Variants in GFOD2 observed in about 807,000 individuals in gnomAD.
The protein encoded by GFOD2 is glucose-fructose oxidoreductase domain-containing protein 2.
A neutral mutation model predicts 24.6 loss-of-function variants in GFOD2; 9 were observed. The ratio of observed to expected loss-of-function variants is 0.37; its 90% CI spans 0.22 to 0.64. GFOD2 has a LOEUF of 0.64. GFOD2 is among the 30% of genes least tolerant of loss of function. The probability of loss-of-function intolerance (pLI) is 0.65; values close to 1 mark genes in which losing one functional copy is unlikely to be tolerated. For synonymous variants in GFOD2, 211 were observed against 224.8 expected (o/e 0.94, Z 0.55); for missense variants, 476 against 532.5 (o/e 0.89, Z 1.04).
At position 67,675,865 on chromosome 16, in the gene GFOD2, C is replaced by T. The variant is rs147200499; in HGVS notation, c.448G>A (p.Ala150Thr). ...AGCAGGCTGCCTGAGTAGATGCGGGCATCACAGATCATCACCGCTCCCACA... is the reference window on the plus strand; with the variant it reads ...AGCAGGCTGCCTGAGTAGATGCGGGTATCACAGATCATCACCGCTCCCACA... ...HYVGAVMICD[A>T]RIYSGSLLSP... is the part of the protein sequence containing the mutation. Residue 150 changes from alanine (A) to threonine (T), a missense_variant, in exon 3 of 3, where the codon GCC (alanine) becomes ACC (threonine). By Grantham distance (58) the Ala-to-Thr change is moderately conservative (BLOSUM62 0). Coordinates refer to ENST00000268797, the MANE Select transcript of GFOD2 (RefSeq NM_030819.4). The T allele has an allele frequency of 4.8e-4, 768 of 1,614,180 alleles. 3 individuals carry two copies. The African/African-American group carries it at 9.2e-3, about 19-fold the overall frequency.
In GFOD2 at chr16:67,675,561, A is replaced by T; in HGVS notation, c.752T>A (p.Val251Asp). Residue 251 changes from valine (V) to aspartate (D), a missense_variant, in exon 3 of 3, where the codon GTC (valine) becomes GAC (aspartate). Physicochemically the swap from Val to Asp is radical, Grantham distance 152. Transcript: ENST00000268797. ...GCGTCCTGCAGAGCCTACCACCATG[A>T]CTTCATGCACAAAGGCGCCTGGCAT... The part of the protein sequence containing the change: ...FNMPGAFVHE[V>D]MVVGSAGRLV... 1 of 1,613,512 alleles carries T rather than the reference A, an allele frequency of 6.2e-7. No homozygotes were observed.
intron 2 of GFOD2, chr16:67,676,358 C>T: frequency 3.0e-6 from 1 of 331,436 alleles, no homozygotes; most frequent in South Asian, 4.0e-5. Context: ...CCCAAGTGAT[C>T]CTCCTGCCTT....
chr16:67,706,227 T>G (rs1457894204), intron 1 of GFOD2, among the ~76,000 whole-genome samples: 1 of 152,096 alleles, frequency 6.6e-6, no homozygotes, highest in Non-Finnish European at 1.5e-5. Flanking sequence ...TCTGCCTGCC[T>G]CGGCCTCCCA....
At chr16:67,718,963 G>A (rs539896031) in intron 1 of GFOD2, among the ~76,000 whole-genome samples, 200 bp downstream of exon 1, 2 of 152,280 alleles carry the variant, frequency 1.3e-5, no homozygotes, top group South Asian at 4.1e-4. Context: ...CTATTTCTGC[G>A]GTGGAAAGGG....
chr16:67,675,015 A>C lies in GFOD2; in HGVS notation c.*140T>G. ...GCAGATGAGCCACTGGAGGGGGCGA[A>C]GTCCCAGAGCCACCTCTGGCTTCAC... On this transcript the variant is annotated 3_prime_UTR_variant, in exon 3 of 3. Coordinates refer to ENST00000268797, the MANE Select transcript of GFOD2 (RefSeq NM_030819.4). 1.0e-6 allele frequency: 1 copy of C among 953,050 alleles called. No homozygotes were observed. The highest frequency in any genetic ancestry group is 1.6e-5 in the South Asian group (1 of 62,192). The allele number at this position is 953,050 out of a possible 1,614,324, so 59.0% of individuals were successfully genotyped here.
intron 1 of GFOD2, among the ~76,000 whole-genome samples, chr16:67,701,573 T>C (rs559971154): frequency 1.3e-5 from 2 of 152,268 alleles, no homozygotes; most frequent in South Asian, 2.1e-4. Flanking sequence ...AAAGAGTAGA[T>C]CAGTGGTTGT....
At chr16:67,682,460 T>C (rs994031699) in intron 2 of GFOD2, 16 of 985,278 alleles carry the variant, frequency 1.6e-5, no homozygotes, top group Non-Finnish European at 1.8e-5. Context: ...CACCTTGCAC[T>C]TAAAATATAA....
intron 1 of GFOD2, among the ~76,000 whole-genome samples, chr16:67,693,857 C>CTATAGTGGGTTATGA (rs1321138659): frequency 3.3e-5 from 5 of 151,932 alleles, no homozygotes; most frequent in African/African-American, 1.2e-4. Context: ...GAGTTTCAGG[C>CTATAGTGGGTTATGA]TATAGTGGGT....
chr16:67,711,775 G>C (rs2142997621), intron 1 of GFOD2, among the ~76,000 whole-genome samples: 1 of 152,246 alleles, frequency 6.6e-6, no homozygotes, highest in African/African-American at 2.4e-5. Flanking sequence ...AGTTATCCTT[G>C]AGTCTTCTTT....
At position 67,676,042 on chromosome 16, in the gene GFOD2, T is replaced by G. The variant is rs752901884; in HGVS notation, c.271A>C (p.Asn91His). The change falls in exon 3 of 3, where the codon AAT becomes CAT. Residue 91 changes from asparagine (N) to histidine (H), a missense_variant. Physicochemically the swap from Asn to His is moderately conservative, Grantham distance 68. Coordinates refer to ENST00000268797, the MANE Select transcript of GFOD2 (RefSeq NM_030819.4). ...GTTGCTGCCTTCTCGCAAACCACAT[T>G]CTTCCCAATACCTAACAACAGGACA... ...ISVKALGIGK[N>H]VVCEKAATSV... 24 of 1,609,176 alleles carry G rather than the reference T, an allele frequency of 1.5e-5. No individual in the cohort carries two copies. The highest frequency in any genetic ancestry group is 1.8e-5 in the Non-Finnish European group (21 of 1,177,368).
intron 2 of GFOD2, chr16:67,684,899 TG>T: frequency 1.0e-6 from 1 of 992,672 alleles, no homozygotes; most frequent in Non-Finnish European, 1.2e-6. Flanking sequence ...CCCAAGGGAG[TG>T]GAGATGTCAT....
At chr16:67,682,201 C>A in intron 2 of GFOD2, 1 of 264,034 alleles carries the variant, frequency 3.8e-6, no homozygotes, top group Non-Finnish European at 5.9e-6. Context: ...ACACGCCCAG[C>A]TAATTTTTGT....
rs1417335244 is a variant in GFOD2, at chr16:67,675,031, C to G, written c.*124G>C. ...AGGGGGCGAAGTCCCAGAGCCACCT[C>G]TGGCTTCACCCAGACTCATTAAATG... On this transcript the variant is annotated 3_prime_UTR_variant, in exon 3 of 3. Coordinates refer to ENST00000268797, the MANE Select transcript of GFOD2 (RefSeq NM_030819.4). 1 of 1,134,876 alleles carries G rather than the reference C, an allele frequency of 8.8e-7. No homozygotes were observed. The highest frequency in any genetic ancestry group is 1.5e-5 in the South Asian group (1 of 66,484). 70.3% of individuals were successfully genotyped at this position (1,134,876 alleles called of 1,614,324 possible).
chr16:67,676,057 A>T lies in GFOD2; in HGVS notation c.260-4T>A. ...CAAACCACATTCTTCCCAATACCTA[A>T]CAACAGGACACAACAGGAAATCTCA... On this transcript the variant is annotated splice_region_variant and splice_polypyrimidine_tract_variant and intron_variant, in intron 2 of 2. Transcript: ENST00000268797. 2 of 1,578,712 alleles carry T rather than the reference A, an allele frequency of 1.3e-6. No homozygotes were observed. The highest frequency in any genetic ancestry group is 1.7e-6 in the Non-Finnish European group (2 of 1,158,912).
intron 2 of GFOD2, chr16:67,680,887 GCTC>G (rs2053220250): frequency 1.0e-6 from 1 of 985,252 alleles, no homozygotes; most frequent in Admixed American, 6.1e-5. Flanking sequence ...TCAATCTCCT[GCTC>G]TTCTTTAATA....
chr16:67,702,077 CAG>C (rs748312241), intron 1 of GFOD2, among the ~76,000 whole-genome samples: 5 of 152,260 alleles, frequency 3.3e-5, no homozygotes, highest in African/African-American at 7.2e-5. Context: ...ATGGGTATGA[CAG>C]AACACAGTCA....
chr16:67,685,550 G>A lies in GFOD2; in HGVS notation c.166C>T (p.Arg56Trp), dbSNP rs374941562. The A allele has an allele frequency of 1.6e-5, 26 of 1,614,016 alleles. No individual in the cohort carries two copies. Among genetic ancestry groups the A allele is most frequent in the African/African-American group, 2.7e-5 (2 of 74,916 alleles). Residue 56 changes from arginine to tryptophan, a missense_variant, in exon 2 of 3, where the codon CGG (arginine) becomes TGG (tryptophan). Arg to Trp is a moderately radical substitution (Grantham distance 101). Coordinates refer to ENST00000268797, the MANE Select transcript of GFOD2 (RefSeq NM_030819.4). ...TGATGCAGCAAGATGTCATCAGTCC[G>A]GCTGGTGTAGAAGGCGATGTTCATC... ...EEMNIAFYTS[R>W]TDDILLHQDV...
intron 1 of GFOD2, among the ~76,000 whole-genome samples, chr16:67,698,593 C>T (rs1256114726): frequency 1.3e-5 from 2 of 152,170 alleles, no homozygotes; most frequent in African/African-American, 4.8e-5. Context: ...AGTCTCCTGC[C>T]TCAGCTTCCC....
intron 1 of GFOD2, among the ~76,000 whole-genome samples, chr16:67,686,508 A>G (rs568084561): frequency 5.5e-4 from 84 of 152,288 alleles, no homozygotes; most frequent in African/African-American, 1.9e-3. Flanking sequence ...TTGCTATAAA[A>G]GTTCATGATT....
Sources: allele counts gnomAD v4.1 joint callset (sites outside exome capture counted in the v4.1 genomes callset), GRCh38; gene constraint gnomAD v4.1.1; transcripts MANE v1.5; gene names NCBI Gene and HGNC (gene_info 2026-07-23, HGNC 2026-07-21).